Variants in LEPROTL1 observed in about 807,000 individuals in gnomAD.
LEPROTL1 encodes leptin receptor overlapping transcript like 1.
In LEPROTL1, 6 loss-of-function variants were observed where a neutral mutation model predicts 15.4. That is an observed-to-expected ratio of 0.39 (90% CI 0.21 to 0.77). The LOEUF (loss-of-function observed/expected upper bound fraction) is 0.77, where lower values mean the gene tolerates loss of function less well. Ranked by LOEUF, LEPROTL1 falls within the 30% of genes least tolerant of loss-of-function variation. LEPROTL1 has a pLI of 0.41. For missense variants in LEPROTL1, 128 were observed against 158.1 expected (o/e 0.81, Z 1.02); for synonymous variants, 56 against 52.6 (o/e 1.06, Z -0.28).
At position 30,137,531 on chromosome 8, in the gene LEPROTL1, C is replaced by T. The variant is rs1233210125; in HGVS notation, c.*219C>T. On this transcript the variant is annotated 3_prime_UTR_variant, in exon 5 of 5. Coordinates refer to the LEPROTL1 transcript ENST00000442880. ...CTACTGCTCAGTGCCAGACACTGCA[C>T]CATGTAGGCAACACGTGGCAGTGAT... is the stretch of plus-strand genomic sequence containing the variant. 2.1e-6 allele frequency: 3 copies of T among 1,452,136 alleles called. No homozygotes were observed. In the Admixed American group the frequency reaches 6.0e-5, roughly 29 times the overall value. The allele number at this position is 1,452,136 out of a possible 1,614,324, so 90.0% of individuals were successfully genotyped here. A position where few individuals can be genotyped will look rare whatever the true frequency, so the allele number is the denominator to read the frequency against.
chr8:30,099,525 C>T (rs1352408683), intron 1 of LEPROTL1, among the ~76,000 whole-genome samples: 1 of 145,528 alleles, frequency 6.9e-6, no homozygotes, highest in African/African-American at 2.5e-5. Flanking sequence ...TGGCTTGAAC[C>T]TGGGAGGCGG....
At chr8:30,118,362 C>T (rs1427200309) in intron 3 of LEPROTL1, among the ~76,000 whole-genome samples, 1 of 152,114 alleles carries the variant, frequency 6.6e-6, no homozygotes, top group Non-Finnish European at 1.5e-5. Flanking sequence ...TACATGTGTA[C>T]ATGTGGAAAA....
intron 4 of LEPROTL1, among the ~76,000 whole-genome samples, chr8:30,133,887 G>A (rs1563221055): frequency 2.0e-5 from 3 of 151,982 alleles, no homozygotes; most frequent in Admixed American, 2.0e-4. Flanking sequence ...CCAGGAAAAG[G>A]TATGAAGAGA....
Position 30,104,463 on chromosome 8 carries a change from A to G in LEPROTL1, c.256A>G (p.Ile86Val), listed in dbSNP as rs373020778. 66 of 1,608,872 alleles carry G rather than the reference A, an allele frequency of 4.1e-5. No individual in the cohort carries two copies. The highest frequency in any genetic ancestry group is 5.2e-5 in the Non-Finnish European group (61 of 1,177,800). ...TGTCGTGTCAGCTTTTGGACTCCCT[A>G]TTGTATTTGCCAGAGCACATCTGGT... ...GIVVSAFGLPIVFARAHLIEW... is the reference protein window; with the variant it reads ...GIVVSAFGLPVVFARAHLIEW... The change falls in exon 3 of 4, where the codon ATT becomes GTT. Residue 86 changes from isoleucine to valine, a missense_variant. Transcript: ENST00000321250.
rs1467843278 is a variant in LEPROTL1, at chr8:30,095,484, G to A, written c.-29G>A. On this transcript the variant is annotated 5_prime_UTR_variant, in exon 1 of 4. Coordinates refer to ENST00000321250, the MANE Select transcript of LEPROTL1 (RefSeq NM_015344.3). The stretch of plus-strand genomic sequence containing the variant: ...GCCGCTGCTGCCGCCGCCGCCTCGG[G>A]TCGTGGAGCCAGGAGCGACGTCACC... The A allele has an allele frequency of 3.4e-6, 5 of 1,464,480 alleles. No individual in the cohort carries two copies. The East Asian group carries it at 1.2e-4, about 36-fold the overall frequency. 90.7% of individuals were successfully genotyped at this position (1,464,480 alleles called of 1,614,324 possible).
intron 4 of LEPROTL1, chr8:30,132,626 C>T: frequency 6.4e-7 from 1 of 1,551,770 alleles, no homozygotes; most frequent in South Asian, 1.2e-5. Flanking sequence ...ATCTGCAGAC[C>T]CCTCCAGCTC....
At chr8:30,103,565 ACT>A (rs140287639) in intron 2 of LEPROTL1, among the ~76,000 whole-genome samples, 4,666 of 151,928 alleles carry the variant, frequency 0.031, 236 homozygotes, top group African/African-American at 0.11. Context: ...ACATGGTGAA[ACT>A]CCATCTCCAC....
downstream of LEPROTL1, chr8:30,138,243 T>C: frequency 3.7e-6 from 1 of 267,510 alleles, no homozygotes; most frequent in Non-Finnish European, 7.3e-6. Context: ...CTCTGTGAAT[T>C]ACTCTTTCTT....
At chr8:30,132,186 C>T (rs1474263155) in intron 3 of LEPROTL1, 1 of 1,551,860 alleles carries the variant, frequency 6.4e-7, no homozygotes, top group South Asian at 1.2e-5. Context: ...AGTCAGCTTC[C>T]ACCATCACGG....
intron 3 of LEPROTL1, among the ~76,000 whole-genome samples, chr8:30,128,548 C>T (rs1006568477): frequency 3.9e-5 from 6 of 151,994 alleles, no homozygotes; most frequent in African/African-American, 1.4e-4. Context: ...CTCACGAATT[C>T]GAGACCAGCC....
Position 30,106,010 on chromosome 8 carries a change from T to C in LEPROTL1, c.*148T>C. The C allele has an allele frequency of 8.1e-7, 1 of 1,241,294 alleles. No individual in the cohort carries two copies. Among genetic ancestry groups the C allele is most frequent in the Non-Finnish European group, 1.0e-6 (1 of 981,768 alleles). 76.9% of individuals were successfully genotyped at this position (1,241,294 alleles called of 1,614,324 possible). A position where few individuals can be genotyped will look rare whatever the true frequency, so the allele number is the denominator to read the frequency against. ...TCCCTTCTCACTTTTATTGTAAGCA[T>C]ACTATTTTCACAGAGACTTGCTGAA... On this transcript the variant is annotated 3_prime_UTR_variant, in exon 4 of 4. Transcript: ENST00000321250.
downstream of LEPROTL1, among the ~76,000 whole-genome samples, chr8:30,109,881 T>C (rs1323732590): frequency 6.6e-6 from 1 of 151,922 alleles, no homozygotes; most frequent in East Asian, 1.9e-4. Flanking sequence ...AATTTTTAAC[T>C]GTATACTAGA....
intron 3 of LEPROTL1, among the ~76,000 whole-genome samples, chr8:30,119,456 G>A (rs1802793951): frequency 6.6e-6 from 1 of 152,156 alleles, no homozygotes; most frequent in Admixed American, 6.5e-5. Context: ...AGGATTATAG[G>A]CGTGAGCTGC....
At chr8:30,099,597 TTTAAA>T (rs1563212716) in intron 1 of LEPROTL1, among the ~76,000 whole-genome samples, 15 of 13,070 alleles carry the variant, frequency 1.1e-3, no homozygotes, top group Middle Eastern at 0.045. Flanking sequence ...CAAGACTCCA[TTTAAA>T]AAAAAAAAAA....
intron 3 of LEPROTL1, among the ~76,000 whole-genome samples, chr8:30,131,115 G>T (rs1045904550): frequency 5.3e-5 from 8 of 151,064 alleles, no homozygotes; most frequent in South Asian, 4.2e-4. Flanking sequence ...TTTAGCAGAT[G>T]GGGTCTCCCT....
At chr8:30,127,583 C>T (rs1228159753) in intron 3 of LEPROTL1, among the ~76,000 whole-genome samples, 2 of 151,326 alleles carry the variant, frequency 1.3e-5, no homozygotes, top group Non-Finnish European at 2.9e-5. Context: ...GTGGGAGGAT[C>T]GCTTGAGCCC....
At chr8:30,119,835 G>A (rs987142455) in intron 3 of LEPROTL1, among the ~76,000 whole-genome samples, 4 of 152,136 alleles carry the variant, frequency 2.6e-5, no homozygotes, top group African/African-American at 7.2e-5. Context: ...TTGGGAGGCC[G>A]AGGTAGGTGG....
In LEPROTL1 at chr8:30,117,789, G is replaced by A. The variant is rs373241477; in HGVS notation, c.279+13303G>A. ...CATTCATGCGCACCATTGTGGCGGC[G>A]CAGAAAGATGGCAGGAGGAGCAGTG... On this transcript the variant is annotated intron_variant, in intron 3 of 4. Coordinates refer to the LEPROTL1 transcript ENST00000442880. The A allele has an allele frequency of 1.5e-3, 1,091 of 736,642 alleles. 18 individuals carry two copies. The South Asian group carries it at 0.016, about 11-fold the overall frequency. 45.6% of individuals were successfully genotyped at this position (736,642 alleles called of 1,614,324 possible). A position where few individuals can be genotyped will look rare whatever the true frequency, so the allele number is the denominator to read the frequency against.
intron 3 of LEPROTL1, among the ~76,000 whole-genome samples, chr8:30,128,247 T>C (rs1293702263): frequency 6.6e-6 from 1 of 152,074 alleles, no homozygotes; most frequent in Non-Finnish European, 1.5e-5. Flanking sequence ...TCCAGAGAAA[T>C]GAATCATTCT....
Sources: allele counts gnomAD v4.1 joint callset (sites outside exome capture counted in the v4.1 genomes callset), GRCh38; gene constraint gnomAD v4.1.1; transcripts MANE v1.5; gene names NCBI Gene and HGNC (gene_info 2026-07-23, HGNC 2026-07-21).